PCDHGA3: variants seen among roughly 807,000 people sequenced by gnomAD.
PCDHGA3 encodes protocadherin gamma subfamily A, 3.
A neutral mutation model predicts 58.5 loss-of-function variants in PCDHGA3; 40 were observed. The ratio of observed to expected loss-of-function variants is 0.68; its 90% CI spans 0.53 to 0.89. The LOEUF is 0.89. Among genes scored for constraint, PCDHGA3 ranks in the 40% least tolerant of loss-of-function variants. The pLI is 0.00. For missense variants in PCDHGA3, 1,223 were observed against 1,195.9 expected, an observed-to-expected ratio of 1.02 and a Z score of -0.33; for synonymous variants, 530 against 525.7, an observed-to-expected ratio of 1.01 and a Z score of -0.11.
At chr5:141,348,270 G>C (rs958949578) in intron 1 of PCDHGA3, among the ~76,000 whole-genome samples, 1 of 152,188 alleles carries the variant, frequency 6.6e-6, no homozygotes, top group Non-Finnish European at 1.5e-5. Context: ...CACAAAAGCT[G>C]TAAGCAGAGT....
chr5:141,377,114 GA>G (rs1209005663), intron 1 of PCDHGA3: 4 of 152,232 alleles, frequency 2.6e-5, no homozygotes, highest in African/African-American at 9.7e-5. Flanking sequence ...AGAATGTTCT[GA>G]AGTCTTAATT....
In PCDHGA3 at chr5:141,409,431, T is replaced by C. The variant is rs191277647; in HGVS notation, c.2424+62974T>C. 41 of 1,614,006 alleles carry C rather than the reference T, an allele frequency of 2.5e-5. No homozygotes were observed. In the African/African-American group the frequency reaches 3.9e-4, roughly 15 times the overall value. Reference sequence around the variant, plus strand: ...TACAAACTGGTGACAGATGGAGCCCTGGACCGAGAGCAGACACCAGAATAC... The same window carrying C: ...TACAAACTGGTGACAGATGGAGCCCCGGACCGAGAGCAGACACCAGAATAC... On this transcript the variant is annotated intron_variant, in intron 1 of 3. Transcript: ENST00000253812.
chr5:141,364,623 AGAGCCCACT>A, intron 1 of PCDHGA3: 1 of 1,614,178 alleles, frequency 6.2e-7, no homozygotes, highest in Non-Finnish European at 8.5e-7. Flanking sequence ...CTCTGCGCTC[AGAGCCCACT>A]GTGTGTGGTG....
chr5:141,407,996 TG>T, intron 1 of PCDHGA3: 1 of 872,306 alleles, frequency 1.1e-6, no homozygotes, highest in Non-Finnish European at 1.7e-6. Flanking sequence ...GCCTCTGGCC[TG>T]GGATTCCCTG....
intron 1 of PCDHGA3, chr5:141,400,672 A>G: frequency 1.1e-6 from 1 of 934,884 alleles, no homozygotes; most frequent in Non-Finnish European, 1.6e-6. Flanking sequence ...TAAGAGGAGC[A>G]GTAAATTGTG....
chr5:141,372,098 G>A lies in PCDHGA3; in HGVS notation c.2424+25641G>A. ...CGCTGGTGCTGTACCCAGCTCTGGG[G>A]CCCGAAGGCTCTGCGCTCTTCGATA... On this transcript the variant is annotated intron_variant, in intron 1 of 3. Transcript: ENST00000253812. The A allele has an allele frequency of 2.5e-6, 4 of 1,613,794 alleles. No individual in the cohort carries two copies. In the South Asian group the frequency reaches 4.4e-5, roughly 18 times the overall value.
intron 1 of PCDHGA3, among the ~76,000 whole-genome samples, chr5:141,448,632 T>G (rs1383720361): frequency 1.3e-5 from 2 of 152,106 alleles, no homozygotes; most frequent in Admixed American, 1.3e-4. Context: ...TTCTTCACAT[T>G]ATATCCTTTA....
intron 1 of PCDHGA3, chr5:141,360,421 T>A: frequency 6.2e-7 from 1 of 1,613,968 alleles, no homozygotes; most frequent in Non-Finnish European, 8.5e-7. Flanking sequence ...AGAACAGATA[T>A]GCGGGAAGCA....
Position 141,485,175 on chromosome 5 carries a change from T to C in PCDHGA3, c.2425-9632T>C, listed in dbSNP as rs2099608731. ...GTAGAGAATTAGCGGGCGGCAGCAA[T>C]GCTCCGCAAGGTGAGAAGCTGGACA... On this transcript the variant is annotated intron_variant, in intron 1 of 3. Coordinates refer to ENST00000253812, the MANE Select transcript of PCDHGA3 (RefSeq NM_018916.4). The surrounding 1 kb of genome is among the most constrained non-coding windows in gnomAD (Gnocchi z 5.7). 6.2e-7 allele frequency: 1 copy of C among 1,611,486 alleles called. No homozygotes were observed. Among genetic ancestry groups the C allele is most frequent in the Non-Finnish European group, 8.5e-7 (1 of 1,177,998 alleles).
Position 141,344,673 on chromosome 5 carries a change from G to A in PCDHGA3, c.640G>A (p.Ala214Thr). Residue 214 changes from alanine to threonine, a missense_variant, in exon 1 of 4, where the codon GCC becomes ACC. Ala to Thr is a moderately conservative substitution (Grantham distance 58, BLOSUM62 0). Coordinates refer to ENST00000253812, the MANE Select transcript of PCDHGA3 (RefSeq NM_018916.4). ...KKEIHQLVLV[A>T]SDGGDPVHSG... Reference sequence around the variant, plus strand: ...AGAAATTCACCAGCTTGTCCTGGTTGCCTCTGATGGTGGCGACCCTGTCCA... The same window carrying A: ...AGAAATTCACCAGCTTGTCCTGGTTACCTCTGATGGTGGCGACCCTGTCCA... 1 of 1,613,990 alleles carries A rather than the reference G, an allele frequency of 6.2e-7. No individual in the cohort carries two copies. The highest frequency in any genetic ancestry group is 8.5e-7 in the Non-Finnish European group (1 of 1,179,898).
chr5:141,365,603 A>C (rs1198770505), intron 1 of PCDHGA3: 2 of 1,613,602 alleles, frequency 1.2e-6, no homozygotes, highest in Non-Finnish European at 1.7e-6. Flanking sequence ...TTTAACCGTC[A>C]TGGACCATGG....
intron 1 of PCDHGA3, chr5:141,375,169 A>G: frequency 6.2e-7 from 1 of 1,614,010 alleles, no homozygotes; most frequent in South Asian, 1.1e-5. Flanking sequence ...GTGCACCTCC[A>G]GGAACAGTAA....
At chr5:141,407,385 T>A (rs1306044111) in intron 1 of PCDHGA3, among the ~76,000 whole-genome samples, 1 of 152,228 alleles carries the variant, frequency 6.6e-6, no homozygotes, top group South Asian at 2.1e-4. Flanking sequence ...GGCTTGTATG[T>A]CATGGTAGGT....
chr5:141,442,164 C>A, intron 1 of PCDHGA3: 1 of 156,542 alleles, frequency 6.4e-6, no homozygotes, highest in Non-Finnish European at 1.4e-5. Context: ...GATCACTCTG[C>A]AAAGCTACAG....
intron 1 of PCDHGA3, among the ~76,000 whole-genome samples, chr5:141,449,134 T>C (rs538592980): frequency 9.2e-4 from 140 of 152,242 alleles, no homozygotes; most frequent in Non-Finnish European, 1.8e-3. Context: ...AGAAATGGAA[T>C]TGAAATTGCT....
chr5:141,430,766 C>T, intron 1 of PCDHGA3: 1 of 1,504,534 alleles, frequency 6.6e-7, no homozygotes, highest in Non-Finnish European at 8.9e-7. Context: ...AAGAATGATT[C>T]CTGCGCGACT....
chr5:141,360,524 C>A (rs750300207), intron 1 of PCDHGA3: 2 of 1,613,860 alleles, frequency 1.2e-6, no homozygotes, highest in Non-Finnish European at 8.5e-7. Flanking sequence ...AATGATAATA[C>A]CCCGCTATTC....
intron 1 of PCDHGA3, chr5:141,371,190 GC>G: frequency 6.2e-7 from 1 of 1,613,982 alleles, no homozygotes; most frequent in Non-Finnish European, 8.5e-7. Flanking sequence ...AAAAGTGATG[GC>G]CATTGACATG....
intron 1 of PCDHGA3, among the ~76,000 whole-genome samples, chr5:141,363,223 A>T (rs1253518167): frequency 6.6e-6 from 1 of 152,164 alleles, no homozygotes; most frequent in Non-Finnish European, 1.5e-5. Context: ...AAATCTTACA[A>T]CCTATGTTCA....
Sources: allele counts gnomAD v4.1 joint callset (sites outside exome capture counted in the v4.1 genomes callset), GRCh38; gene constraint gnomAD v4.1.1; non-coding constraint Gnocchi (gnomAD v3.1); transcripts MANE v1.5; gene names NCBI Gene and HGNC (gene_info 2026-07-23, HGNC 2026-07-21).